Variants in PBK observed in about 807,000 individuals in gnomAD.
The protein encoded by PBK is lymphokine-activated killer T-cell-originated protein kinase.
Under a neutral mutation model 33.5 loss-of-function variants are expected in PBK, and 22 were observed. That is an observed-to-expected ratio of 0.66 (90% CI 0.47 to 0.94). The LOEUF (loss-of-function observed/expected upper bound fraction) is 0.94. PBK is among the 40% of genes least tolerant of loss of function. The pLI is 0.00. For missense variants in PBK, 376 were observed against 383.4 expected, an observed-to-expected ratio of 0.98 and a Z score of 0.16; for synonymous variants, 129 against 123.8, an observed-to-expected ratio of 1.04 and a Z score of -0.28.
Position 27,820,629 on chromosome 8 carries a change from G to T in PBK, c.531C>A (p.Gly177=). ...CACAGATTTTAATTGTTTCAAAATCGCCTTTAATTACAACATTTGAAGACT... is the reference window on the plus strand; with the variant it reads ...CACAGATTTTAATTGTTTCAAAATCTCCTTTAATTACAACATTTGAAGACT... ...DIKSSNVVIK[G]DFETIKICDV... is the part of the protein sequence containing the mutation. The change falls in exon 6 of 8, where the codon GGC becomes GGA. Residue 177 remains glycine, a synonymous_variant. Transcript: ENST00000301905. 1 of 1,553,980 alleles carries T rather than the reference G, an allele frequency of 6.4e-7. No homozygotes were observed. Among genetic ancestry groups the T allele is most frequent in the Non-Finnish European group, 8.9e-7 (1 of 1,127,650 alleles).
At position 27,810,402 on chromosome 8, in the gene PBK, T is replaced by C. The variant is rs778448107; in HGVS notation, c.872A>G (p.Gln291Arg). 24 of 1,607,578 alleles carry C rather than the reference T, an allele frequency of 1.5e-5. No individual in the cohort carries two copies. In the South Asian group the frequency reaches 2.4e-4, roughly 16 times the overall value. ...INMEELDESY[Q>R]KVIELFSVCT... ...TACAGAGAAGAGTTCAATTACTTTC[T>C]GGTATGATTCATCCAGTTCTTCCAT... Residue 291 changes from glutamine (Q) to arginine (R), a missense_variant, in exon 8 of 8, where the codon CAG becomes CGG. Physicochemically the swap from Gln to Arg is conservative, Grantham distance 43. Transcript: ENST00000301905.
At chr8:27,826,055 T>C (rs1019061832) in intron 3 of PBK, among the ~76,000 whole-genome samples, 3 of 152,024 alleles carry the variant, frequency 2.0e-5, no homozygotes, top group African/African-American at 7.2e-5. Flanking sequence ...ATACAGAAGA[T>C]CATACCAGGA....
intron 2 of PBK, among the ~76,000 whole-genome samples, chr8:27,829,584 G>A (rs1167042196): frequency 8.5e-5 from 13 of 152,156 alleles, no homozygotes; most frequent in Non-Finnish European, 1.6e-4. Flanking sequence ...TAAATCAATA[G>A]AGGCCTAGCG....
chr8:27,826,795 C>CAAAA (rs5890381), intron 3 of PBK, among the ~76,000 whole-genome samples: 5 of 66,222 alleles, frequency 7.6e-5, no homozygotes, highest in Non-Finnish European at 1.1e-4. Flanking sequence ...GACTCCGTCT[C>CAAAA]AAAAAAAAAA....
At chr8:27,837,265 C>T (rs1259452760) in intron 1 of PBK, among the ~76,000 whole-genome samples, 1 of 152,130 alleles carries the variant, frequency 6.6e-6, no homozygotes, top group African/African-American at 2.4e-5. Context: ...ACCTTTGGGC[C>T]CTAAGCCTGG....
chr8:27,833,082 C>T lies in PBK; in HGVS notation c.32G>A (p.Ser11Asn). The T allele has an allele frequency of 6.3e-7, 1 of 1,597,184 alleles. No individual in the cohort carries two copies. Among genetic ancestry groups the T allele is most frequent in the Non-Finnish European group, 8.5e-7 (1 of 1,172,576 alleles). Residue 11 changes from serine to asparagine, a missense_variant, in exon 2 of 8, where the codon AGC becomes AAC. Transcript: ENST00000301905. ...AGATTTCTTTTTTTCTGATAATTTGCTTGGTGTCTTGAAATTACTGATCCC... is the reference window on the plus strand; with the variant it reads ...AGATTTCTTTTTTTCTGATAATTTGTTTGGTGTCTTGAAATTACTGATCCC... The part of the protein sequence containing the change: MEGISNFKTP[S>N]KLSEKKKSVL...
rs979025244 is a variant in PBK, at chr8:27,809,958, C to A, written c.*347G>T. The A allele has an allele frequency of 4.3e-6, 1 of 234,208 alleles. No homozygotes were observed. Among genetic ancestry groups the A allele is most frequent in the Non-Finnish European group, 8.3e-6 (1 of 120,938 alleles). 14.5% of individuals were successfully genotyped at this position (234,208 alleles called of 1,614,324 possible). A position where few individuals can be genotyped will look rare whatever the true frequency, so the allele number is the denominator to read the frequency against. On this transcript the variant is annotated 3_prime_UTR_variant, in exon 8 of 8. Coordinates refer to ENST00000301905, the MANE Select transcript of PBK (RefSeq NM_018492.4). ...TACAAAGTGCTAATGTCAGTAGATC[C>A]ATTAAAATATAGAATATTTAAGAAA...
At chr8:27,823,325 A>T in intron 3 of PBK, 120 bp from the exon 4 acceptor site, 1 of 632,404 alleles carries the variant, frequency 1.6e-6, no homozygotes, top group Non-Finnish European at 2.7e-6. Flanking sequence ...ACAGAATTTA[A>T]AATAGTTTGG....
intron 3 of PBK, 117 bp downstream of exon 3, chr8:27,827,988 G>T: frequency 1.8e-6 from 1 of 563,716 alleles, no homozygotes; most frequent in African/African-American, 1.9e-5. Context: ...CCATCAGCCA[G>T]GATCAGGAGC....
At chr8:27,817,255 T>C (rs1805835593) in intron 6 of PBK, among the ~76,000 whole-genome samples, 1 of 152,070 alleles carries the variant, frequency 6.6e-6, no homozygotes, top group South Asian at 2.1e-4. Flanking sequence ...AATACTCTCA[T>C]ATGTAACCTT....
At chr8:27,827,994 G>A in intron 3 of PBK, 111 bp downstream of exon 3, 2 of 589,980 alleles carry the variant, frequency 3.4e-6, no homozygotes, top group Non-Finnish European at 6.1e-6. Context: ...GCCAGGATCA[G>A]GAGCAGACAA....
intron 1 of PBK, among the ~76,000 whole-genome samples, chr8:27,833,453 G>A (rs984021108): frequency 4.0e-5 from 6 of 151,536 alleles, no homozygotes; most frequent in Non-Finnish European, 7.4e-5. Context: ...AGGTTGCGGT[G>A]AGCCGAGATC....
chr8:27,814,206 G>T (rs147163107), intron 6 of PBK, among the ~76,000 whole-genome samples: 18 of 152,260 alleles, frequency 1.2e-4, no homozygotes, highest in African/African-American at 3.8e-4. Flanking sequence ...TTGTGGGAAT[G>T]TTTCTTAGTA....
At chr8:27,831,817 A>G (rs58276416) in intron 2 of PBK, among the ~76,000 whole-genome samples, 23,937 of 152,130 alleles carry the variant, frequency 0.16, 2,394 homozygotes, top group East Asian at 0.37. Flanking sequence ...CACAAAGAAA[A>G]TAAGAGATCA....
At chr8:27,813,413 TAACA>T (rs574319785) in intron 6 of PBK, among the ~76,000 whole-genome samples, 2 of 152,208 alleles carry the variant, frequency 1.3e-5, no homozygotes, top group Non-Finnish European at 2.9e-5. Flanking sequence ...TATACCTATG[TAACA>T]AACCTGCACA....
At chr8:27,813,584 T>A (rs1805745088) in intron 6 of PBK, among the ~76,000 whole-genome samples, 1 of 147,580 alleles carries the variant, frequency 6.8e-6, no homozygotes, top group African/African-American at 2.6e-5. Context: ...ATAGCCACAG[T>A]CAAGCTAATT....
intron 2 of PBK, among the ~76,000 whole-genome samples, chr8:27,830,919 G>A (rs1806117584): frequency 2.0e-5 from 3 of 152,110 alleles, no homozygotes; most frequent in Admixed American, 6.5e-5. Context: ...ATCTGGAGTG[G>A]CTCCATTACT....
intron 5 of PBK, 147 bp from the exon 6 acceptor site, chr8:27,820,841 T>TTTTTTTA: frequency 2.3e-6 from 1 of 441,470 alleles, no homozygotes; most frequent in Non-Finnish European, 3.9e-6. Flanking sequence ...TTTTTTTTTT[T>TTTTTTTA]AAAACGGAGT....
At chr8:27,836,535 GT>G (rs1440440476) in intron 1 of PBK, among the ~76,000 whole-genome samples, 2 of 151,922 alleles carry the variant, frequency 1.3e-5, no homozygotes, top group Non-Finnish European at 2.9e-5. Context: ...CATCTAGGGA[GT>G]AACTGTAGAG....
Sources: allele counts gnomAD v4.1 joint callset (sites outside exome capture counted in the v4.1 genomes callset), GRCh38; gene constraint gnomAD v4.1.1; transcripts MANE v1.5; gene names NCBI Gene and HGNC (gene_info 2026-07-23, HGNC 2026-07-21).